BLTP1: variants seen among roughly 807,000 people sequenced by gnomAD.
The protein encoded by BLTP1 is fragile site-associated protein.
chr4:122,264,542 C>T, the BLTP1 span: 3 of 867,610 alleles, frequency 3.5e-6, no homozygotes, highest in Non-Finnish European at 4.8e-6. Context: ...CCTTACCTAT[C>T]TGCCTACAGC....
At chr4:122,321,705 C>T in the BLTP1 span, among the ~76,000 whole-genome samples, 19 of 151,828 alleles carry the variant, frequency 1.3e-4, no homozygotes, top group Admixed American at 7.9e-4. Flanking sequence ...ATATCATTTT[C>T]CTTCTCTCTA....
chr4:122,226,813 A>T, the BLTP1 span: 1 of 1,610,436 alleles, frequency 6.2e-7, no homozygotes. Context: ...CATGGAATTG[A>T]TCGTCGGTTC....
At chr4:122,186,208 A>G in the BLTP1 span, 3,243 of 1,610,998 alleles carry the variant, frequency 2.0e-3, 58 homozygotes, top group African/African-American at 0.034. Context: ...CAAGAACCCA[A>G]TCGAAAATTG....
At chr4:122,182,232 G>A in the BLTP1 span, among the ~76,000 whole-genome samples, 1 of 151,968 alleles carries the variant, frequency 6.6e-6, no homozygotes, top group African/African-American at 2.4e-5. Flanking sequence ...ATGGGGGAAA[G>A]CCAGTCAAGG....
the BLTP1 span, chr4:122,194,597 G>A: frequency 7.2e-6 from 7 of 976,834 alleles, no homozygotes; most frequent in African/African-American, 1.2e-4. Flanking sequence ...TATTAGGTTG[G>A]CAGAACAGTT....
chr4:122,298,674 T>C, the BLTP1 span: 1 of 20,690 alleles, frequency 4.8e-5, no homozygotes, highest in Non-Finnish European at 8.0e-5. Flanking sequence ...TTTAAACATA[T>C]AATAATAAAA....
chr4:122,183,282 G>A, the BLTP1 span: 1 of 619,182 alleles, frequency 1.6e-6, no homozygotes, highest in South Asian at 7.2e-5. Context: ...GCTGCAGTGA[G>A]CCATGGTTGC....
the BLTP1 span, among the ~76,000 whole-genome samples, chr4:122,260,531 A>T: frequency 6.6e-6 from 1 of 152,344 alleles, no homozygotes; most frequent in African/African-American, 2.4e-5. Context: ...TGAGATTTCC[A>T]TTCTCACTTA....
chr4:122,311,833 CA>C, the BLTP1 span, among the ~76,000 whole-genome samples: 1 of 152,086 alleles, frequency 6.6e-6, no homozygotes, highest in Admixed American at 6.6e-5. Context: ...GAAAAATTAC[CA>C]TCCTGCATTC....
the BLTP1 span, chr4:122,200,295 G>T: frequency 2.0e-6 from 2 of 984,732 alleles, no homozygotes; most frequent in Non-Finnish European, 2.4e-6. Context: ...ATGCCAAACT[G>T]CGCAGGATGT....
At chr4:122,330,938 C>T in the BLTP1 span, 1 of 959,318 alleles carries the variant, frequency 1.0e-6, no homozygotes, top group Non-Finnish European at 1.2e-6. Context: ...GTTTTTCCGG[C>T]ACCATTTGTT....
the BLTP1 span, among the ~76,000 whole-genome samples, chr4:122,244,273 T>C: frequency 6.6e-6 from 1 of 152,116 alleles, no homozygotes; most frequent in Non-Finnish European, 1.5e-5. Flanking sequence ...TGTCCCTCCA[T>C]ATCTGTTGGC....
chr4:122,176,615 G>T, the BLTP1 span, among the ~76,000 whole-genome samples: 1 of 152,004 alleles, frequency 6.6e-6, no homozygotes, highest in Non-Finnish European at 1.5e-5. Flanking sequence ...ATATTTTTAT[G>T]AGTAATTTAC....
the BLTP1 span, chr4:122,229,581 G>A: frequency 3.1e-6 from 1 of 325,452 alleles, no homozygotes; most frequent in Non-Finnish European, 4.4e-6. Context: ...TTTTCTGCCT[G>A]GCTCTTGAAA....
At chr4:122,334,763 A>C in the BLTP1 span, among the ~76,000 whole-genome samples, 2 of 152,096 alleles carry the variant, frequency 1.3e-5, no homozygotes, top group Non-Finnish European at 2.9e-5. Flanking sequence ...TAAAATAAAT[A>C]ATATACCAAA....
At chr4:122,255,389 C>G in the BLTP1 span, 1 of 808,396 alleles carries the variant, frequency 1.2e-6, no homozygotes, top group Non-Finnish European at 2.0e-6. Context: ...AAATACAAGT[C>G]TATAGGCCTG....
the BLTP1 span, among the ~76,000 whole-genome samples, chr4:122,233,000 A>G: frequency 2.0e-5 from 3 of 152,204 alleles, no homozygotes; most frequent in Admixed American, 6.5e-5. Context: ...TACTGAATAC[A>G]TAGGCCATTA....
chr4:122,204,506 G>A, the BLTP1 span: 1 of 982,224 alleles, frequency 1.0e-6, no homozygotes, highest in East Asian at 1.1e-4. Context: ...GCAGACTTAT[G>A]AGGCTAGGAG....
the BLTP1 span, chr4:122,328,233 A>G: frequency 6.2e-7 from 1 of 1,611,416 alleles, no homozygotes; most frequent in Non-Finnish European, 8.5e-7. Context: ...TTCACCAGGC[A>G]TTCCTTTCCA....
Sources: allele counts gnomAD v4.1 joint callset (sites outside exome capture counted in the v4.1 genomes callset), GRCh38; gene constraint gnomAD v4.1.1; transcripts MANE v1.5; gene names NCBI Gene and HGNC (gene_info 2026-07-23, HGNC 2026-07-21).